SDK1: variants seen among roughly 807,000 people sequenced by gnomAD.
SDK1 encodes the protein sidekick cell adhesion molecule 1.
A neutral mutation model predicts 245.5 loss-of-function variants in SDK1; 157 were observed. The ratio of observed to expected loss-of-function variants is 0.64; its 90% CI spans 0.56 to 0.73. SDK1 has a LOEUF of 0.73. SDK1 is among the 30% of genes least tolerant of loss of function. The pLI is 0.00. For missense variants in SDK1, 3,583 were observed against 3,002.3 expected (o/e 1.19, Z -4.52); for synonymous variants, 1,647 against 1,278.5 (o/e 1.29, Z -6.15).
intron 1 of SDK1, among the ~76,000 whole-genome samples, chr7:3,394,911 T>C (rs938943442): frequency 1.3e-5 from 2 of 152,062 alleles, no homozygotes. Flanking sequence ...TTGTGGACTC[T>C]TTGGGGTTTT....
At chr7:3,567,316 G>A (rs1779954766) in intron 1 of SDK1, among the ~76,000 whole-genome samples, 1 of 152,284 alleles carries the variant, frequency 6.6e-6, no homozygotes, top group Middle Eastern at 3.4e-3. Context: ...CTTGATACCT[G>A]CAACAGGATT....
intron 5 of SDK1, among the ~76,000 whole-genome samples, chr7:3,911,545 C>G (rs758385006): frequency 5.9e-5 from 9 of 152,204 alleles, no homozygotes; most frequent in Non-Finnish European, 1.0e-4. Flanking sequence ...CACAAGGGCT[C>G]TGCCCTCCTG....
At chr7:3,552,471 C>T (rs1369221333) in intron 1 of SDK1, among the ~76,000 whole-genome samples, 4 of 152,178 alleles carry the variant, frequency 2.6e-5, no homozygotes, top group African/African-American at 9.7e-5. Context: ...ACCTCTTCTC[C>T]CTCTCATCTA....
intron 1 of SDK1, among the ~76,000 whole-genome samples, chr7:3,572,533 T>G (rs763787341): frequency 3.3e-5 from 5 of 151,920 alleles, no homozygotes; most frequent in Non-Finnish European, 5.9e-5. Context: ...GAGCAAAGAT[T>G]AAGTGAGCCC....
intron 17 of SDK1, among the ~76,000 whole-genome samples, chr7:4,048,030 A>T (rs1288437829): frequency 6.6e-6 from 1 of 152,142 alleles, no homozygotes; most frequent in African/African-American, 2.4e-5. Flanking sequence ...GTCCTCCTGC[A>T]TGCCTGGGAA....
chr7:4,097,005 A>G (rs920514438), intron 22 of SDK1, among the ~76,000 whole-genome samples: 3 of 152,256 alleles, frequency 2.0e-5, no homozygotes, highest in African/African-American at 7.2e-5. Context: ...AAACTCGCAC[A>G]GCTTGAAAAT....
chr7:3,748,832 A>G (rs1039568429), intron 4 of SDK1, among the ~76,000 whole-genome samples: 1 of 152,202 alleles, frequency 6.6e-6, no homozygotes, highest in African/African-American at 2.4e-5. Context: ...CAGGTACCGA[A>G]TGCTTTTGTT....
In SDK1 at chr7:4,088,894, C is replaced by T. The variant is rs141617445; in HGVS notation, c.3324+9310C>T. The stretch of plus-strand genomic sequence containing the variant: ...CCTTAGCCCTCAGGCAGAGGACTCT[C>T]GTGGGCATCTGCACAATGAGGTCAC... On this transcript the variant is annotated intron_variant, in intron 22 of 44. Coordinates refer to ENST00000404826, the MANE Select transcript of SDK1 (RefSeq NM_152744.4). 2.0e-3 allele frequency among the ~76,000 whole-genome samples: 298 copies of T among 152,282 alleles called. 1 individual carries two copies. Among genetic ancestry groups the T allele is most frequent in the African/African-American group, 3.6e-3 (149 of 41,562 alleles).
intron 13 of SDK1, among the ~76,000 whole-genome samples, chr7:3,978,440 A>G (rs757670161): frequency 1.8e-4 from 28 of 152,210 alleles, no homozygotes; most frequent in Non-Finnish European, 3.2e-4. Context: ...TCATCTCTAA[A>G]TATAGAAATC....
intron 21 of SDK1, 141 bp from the exon 22 acceptor site, chr7:4,079,322 C>T (rs1780907456): frequency 1.9e-6 from 2 of 1,069,652 alleles, no homozygotes; most frequent in East Asian, 4.8e-5. Flanking sequence ...CTGCTTCTCA[C>T]CTTCATGGTT....
intron 4 of SDK1, among the ~76,000 whole-genome samples, chr7:3,787,153 C>CACACAG (rs1471435593): frequency 6.7e-6 from 1 of 149,448 alleles, no homozygotes; most frequent in Non-Finnish European, 1.5e-5. Context: ...AAATCACACA[C>CACACAG]ACACACACAC....
intron 1 of SDK1, among the ~76,000 whole-genome samples, chr7:3,490,206 C>G (rs1248694242): frequency 6.6e-6 from 1 of 152,056 alleles, no homozygotes; most frequent in Non-Finnish European, 1.5e-5. Context: ...TACTTTGCAT[C>G]CAGGTAATGT....
chr7:3,693,852 C>G (rs186697131), intron 4 of SDK1, among the ~76,000 whole-genome samples: 9 of 152,180 alleles, frequency 5.9e-5, no homozygotes, highest in African/African-American at 1.9e-4. Context: ...AACACCTGGT[C>G]CCCGCAGCCA....
At chr7:4,087,248 C>T (rs1380741927) in intron 22 of SDK1, among the ~76,000 whole-genome samples, 1 of 152,146 alleles carries the variant, frequency 6.6e-6, no homozygotes, top group East Asian at 1.9e-4. Context: ...CAAATAGCTA[C>T]GTAATTGCCT....
intron 13 of SDK1, chr7:3,974,759 G>C (rs1562601634): frequency 1.9e-6 from 1 of 522,684 alleles, no homozygotes; most frequent in Non-Finnish European, 3.4e-6. Flanking sequence ...TTTTGGTGTA[G>C]ATGGTGTGAT....
intron 1 of SDK1, among the ~76,000 whole-genome samples, chr7:3,381,281 G>T (rs1000669047): frequency 3.3e-5 from 5 of 152,104 alleles, no homozygotes; most frequent in Admixed American, 2.6e-4. Context: ...GGTTAGGAGA[G>T]GGGGAAGGGC....
chr7:3,403,761 C>T (rs904520853), intron 1 of SDK1, among the ~76,000 whole-genome samples: 4 of 137,656 alleles, frequency 2.9e-5, no homozygotes, highest in Non-Finnish European at 4.6e-5. Context: ...GGGCACTGTG[C>T]GTCTGACTGG....
At chr7:3,693,651 G>A (rs1472787587) in intron 4 of SDK1, among the ~76,000 whole-genome samples, 1 of 151,718 alleles carries the variant, frequency 6.6e-6, no homozygotes, top group Non-Finnish European at 1.5e-5. Context: ...TTTTTTTCTG[G>A]CTATAATTGT....
At chr7:3,561,004 C>T (rs1231288041) in intron 1 of SDK1, among the ~76,000 whole-genome samples, 1 of 151,978 alleles carries the variant, frequency 6.6e-6, no homozygotes, top group Non-Finnish European at 1.5e-5. Flanking sequence ...CATTTTTTTT[C>T]TTTTGGCACT....
Sources: allele counts gnomAD v4.1 joint callset (sites outside exome capture counted in the v4.1 genomes callset), GRCh38; gene constraint gnomAD v4.1.1; transcripts MANE v1.5; gene names NCBI Gene and HGNC (gene_info 2026-07-23, HGNC 2026-07-21).